The following MPP7 variants were observed in gnomAD, a reference collection of about 807,000 sequenced individuals.
MPP7 encodes MAGUK p55 scaffold protein 7.
A neutral mutation model predicts 76.5 loss-of-function variants in MPP7; 60 were observed. The observed-to-expected ratio is 0.78, with a 90% CI of 0.64 to 0.97. MPP7 has a LOEUF of 0.97. Among genes scored for constraint, MPP7 ranks in the 50% least tolerant of loss-of-function variants. The probability of loss-of-function intolerance (pLI) is 0.00; values close to 1 mark genes in which losing one functional copy is unlikely to be tolerated. For synonymous variants in MPP7, 237 were observed against 244.5 expected, an observed-to-expected ratio of 0.97 and a Z score of 0.29; for missense variants, 641 against 694.0, an observed-to-expected ratio of 0.92 and a Z score of 0.86.
At chr10:28,137,317 G>T (rs1218004313) in intron 5 of MPP7, among the ~76,000 whole-genome samples, 3 of 152,186 alleles carry the variant, frequency 2.0e-5, no homozygotes, top group Non-Finnish European at 4.4e-5. Context: ...CAGCAGACTT[G>T]CATTGCAAGA....
intron 2 of MPP7, among the ~76,000 whole-genome samples, chr10:28,237,709 AG>A (rs1376854449): frequency 6.6e-6 from 1 of 152,206 alleles, no homozygotes; most frequent in East Asian, 1.9e-4. Context: ...AACCAAATTC[AG>A]GATGGCCCAT....
At chr10:28,145,092 T>C (rs1835662053) in intron 5 of MPP7, among the ~76,000 whole-genome samples, 1 of 152,172 alleles carries the variant, frequency 6.6e-6, no homozygotes, top group Non-Finnish European at 1.5e-5. Flanking sequence ...TTTTTGTATT[T>C]TTAGTAGAGA....
chr10:28,125,342 C>T (rs1163987863), intron 6 of MPP7, among the ~76,000 whole-genome samples: 1 of 152,106 alleles, frequency 6.6e-6, no homozygotes, highest in Non-Finnish European at 1.5e-5. Context: ...AAATCTTCAA[C>T]CTCTTCAAAA....
intron 3 of MPP7, among the ~76,000 whole-genome samples, chr10:28,160,082 T>A (rs894953458): frequency 2.0e-5 from 3 of 149,032 alleles, no homozygotes; most frequent in Non-Finnish European, 4.4e-5. Flanking sequence ...TTGTTGTTGG[T>A]TTTTTAATGA....
rs1050604503 is a variant in MPP7 at position 28,325,199 on chromosome 10, GTTC to G, written c.-132+4727_-132+4729del. 2.6e-5 allele frequency among the ~76,000 whole-genome samples: 4 copies of G among 152,282 alleles called. No individual in the cohort carries two copies. The East Asian group carries it at 7.7e-4, about 29-fold the overall frequency. On this transcript the variant is annotated intron_variant, in intron 2 of 11. Coordinates refer to the MPP7 transcript ENST00000441595. The stretch of plus-strand genomic sequence containing the variant: ...GTGAGCTACTGTGCCAGCTGCTTGT[GTTC>G]TTAACCACTATACAGTATGTGGCTT...
Position 28,097,625 on chromosome 10 carries a change from A to C in MPP7, c.953-7784T>G, listed in dbSNP as rs117812717. Reference sequence around the variant, plus strand: ...TGCATAATAGAAAAAAAATGAATTTAGTTCATTTCTATTACATTATGTTAG... The same window carrying C: ...TGCATAATAGAAAAAAAATGAATTTCGTTCATTTCTATTACATTATGTTAG... On this transcript the variant is annotated intron_variant, in intron 11 of 16. Transcript: ENST00000683449. Among the ~76,000 whole-genome samples the C allele has an allele frequency of 8.6e-4, 131 of 152,318 alleles. 1 individual carries two copies. The East Asian group carries it at 0.021, about 24-fold the overall frequency.
intron 1 of MPP7, among the ~76,000 whole-genome samples, chr10:28,262,777 C>T (rs549195188): frequency 5.9e-5 from 9 of 152,056 alleles, no homozygotes; most frequent in South Asian, 2.1e-4. Context: ...CACATTTAGC[C>T]GGACGCAGTG....
At chr10:28,234,829 G>T (rs189422690) in intron 2 of MPP7, among the ~76,000 whole-genome samples, 1 of 151,394 alleles carries the variant, frequency 6.6e-6, no homozygotes, top group African/African-American at 2.4e-5. Context: ...TGTTTTTTTT[G>T]AGACAGGGTC....
At chr10:28,101,267 T>C (rs766017725) in intron 11 of MPP7, among the ~76,000 whole-genome samples, 1 of 152,134 alleles carries the variant, frequency 6.6e-6, no homozygotes, top group Non-Finnish European at 1.5e-5. Flanking sequence ...TTAGGAAAAA[T>C]ATTAAGGCAG....
chr10:28,088,993 A>C (rs1853155723), intron 12 of MPP7, among the ~76,000 whole-genome samples: 1 of 152,166 alleles, frequency 6.6e-6, no homozygotes, highest in Non-Finnish European at 1.5e-5. Flanking sequence ...CTTCTGCCTC[A>C]GCCTCCTGAG....
chr10:28,158,403 G>A (rs747480308), intron 3 of MPP7, among the ~76,000 whole-genome samples: 3 of 151,992 alleles, frequency 2.0e-5, no homozygotes, highest in African/African-American at 7.3e-5. Flanking sequence ...ATTGTCTTAC[G>A]GAAATAGGAA....
At chr10:28,211,334 G>A (rs986808817) in intron 2 of MPP7, among the ~76,000 whole-genome samples, 4 of 151,824 alleles carry the variant, frequency 2.6e-5, no homozygotes, top group Admixed American at 6.6e-5. Flanking sequence ...TATGTTCTTG[G>A]GGCTTTAGTA....
At chr10:28,113,367 ACC>A (rs1834564667) in intron 11 of MPP7, among the ~76,000 whole-genome samples, 1 of 151,746 alleles carries the variant, frequency 6.6e-6, no homozygotes, top group South Asian at 2.1e-4. Flanking sequence ...GTAATACACT[ACC>A]TCTGCTATTT....
chr10:28,258,382 T>TTATATATATATA (rs59151395), intron 1 of MPP7, among the ~76,000 whole-genome samples: 5 of 141,262 alleles, frequency 3.5e-5, no homozygotes, highest in South Asian at 2.2e-4. Flanking sequence ...ATATTAAATA[T>TTATATATATATA]TATATATATA....
At chr10:28,212,232 T>C (rs1180005226) in intron 2 of MPP7, among the ~76,000 whole-genome samples, 1 of 152,026 alleles carries the variant, frequency 6.6e-6, no homozygotes, top group Non-Finnish European at 1.5e-5. Context: ...AACACAGCAA[T>C]CCAGGGCAGA....
chr10:28,116,959 C>T (rs1834680623), intron 11 of MPP7, among the ~76,000 whole-genome samples: 1 of 151,944 alleles, frequency 6.6e-6, no homozygotes, highest in Non-Finnish European at 1.5e-5. Flanking sequence ...TACCTTGGAG[C>T]CAAGAACTAG....
intron 1 of MPP7, among the ~76,000 whole-genome samples, chr10:28,302,384 G>A (rs1036091530): frequency 6.6e-6 from 1 of 152,124 alleles, no homozygotes; most frequent in Admixed American, 6.5e-5. Context: ...ACGGCCAAAC[G>A]CCTGTTCTCA....
chr10:28,162,349 A>AT (rs1190031700), intron 3 of MPP7, among the ~76,000 whole-genome samples: 2 of 152,040 alleles, frequency 1.3e-5, no homozygotes, highest in African/African-American at 2.4e-5. Flanking sequence ...TACAGTACAA[A>AT]TTTTTTTTAA....
intron 3 of MPP7, among the ~76,000 whole-genome samples, chr10:28,175,550 T>G (rs1836832813): frequency 6.6e-6 from 1 of 152,128 alleles, no homozygotes; most frequent in African/African-American, 2.4e-5. Context: ...GAAATATTTT[T>G]TAAGAATCAG....
Sources: allele counts gnomAD v4.1 joint callset (sites outside exome capture counted in the v4.1 genomes callset), GRCh38; gene constraint gnomAD v4.1.1; transcripts MANE v1.5; gene names NCBI Gene and HGNC (gene_info 2026-07-23, HGNC 2026-07-21).